CNNM3: variants seen among roughly 807,000 people sequenced by gnomAD.
CNNM3 encodes cyclin and CBS domain divalent metal cation transport mediator 3.
In CNNM3, 47 loss-of-function variants were observed where a neutral mutation model predicts 57.1. The observed-to-expected ratio is 0.82, with a 90% CI of 0.65 to 1.05. CNNM3 has a LOEUF of 1.05. Ranked by LOEUF, CNNM3 falls within the 50% of genes least tolerant of loss-of-function variation. The pLI is 0.00. For synonymous variants in CNNM3, 507 were observed against 478.2 expected (o/e 1.06, Z -0.79); for missense variants, 957 against 973.7 (o/e 0.98, Z 0.23).
Position 96,827,741 on chromosome 2 carries a change from A to G in CNNM3, c.1530A>G (p.Val510=), listed in dbSNP as rs751460213. Residue 510 remains valine, a synonymous_variant, in exon 4 of 8, where the codon GTA becomes GTG. Transcript: ENST00000305510. The part of the protein sequence containing the change: ...TQRFLSREVD[V]FSPLRISEKV... ...TTCCACCACGTGCAGAAGTGGATGT[A>G]TTCAGCCCGCTGCGCATCTCTGAGA... The G allele has an allele frequency of 1.6e-5, 26 of 1,613,764 alleles. No individual in the cohort carries two copies. The highest frequency in any genetic ancestry group is 2.2e-5 in the Non-Finnish European group (26 of 1,179,784).
chr2:96,836,205 C>T (rs1486657113), downstream of CNNM3, among the ~76,000 whole-genome samples: 1 of 151,468 alleles, frequency 6.6e-6, no homozygotes, highest in Non-Finnish European at 1.5e-5. Context: ...TCTTCAGCTC[C>T]CCATGTAGAT....
Position 96,817,123 on chromosome 2 carries a change from G to T in CNNM3, c.846G>T (p.Arg282=). 1 of 1,347,708 alleles carries T rather than the reference G, an allele frequency of 7.4e-7. No individual in the cohort carries two copies. The highest frequency in any genetic ancestry group is 9.4e-7 in the Non-Finnish European group (1 of 1,059,728). 83.5% of individuals were successfully genotyped at this position (1,347,708 alleles called of 1,614,324 possible). A position where few individuals can be genotyped will look rare whatever the true frequency, so the allele number is the denominator to read the frequency against. ...PVGQLLELAA[R]PGRLRERVLE... ...GGCAGCTGCTGGAGCTGGCGGCGCGGCCCGGGCGGCTGCGGGAGCGGGTGC... is the reference window on the plus strand; with the variant it reads ...GGCAGCTGCTGGAGCTGGCGGCGCGTCCCGGGCGGCTGCGGGAGCGGGTGC... Residue 282 remains arginine (R), a synonymous_variant, in exon 1 of 8, where the codon CGG becomes CGT. Coordinates refer to ENST00000305510, the MANE Select transcript of CNNM3 (RefSeq NM_017623.5).
Position 96,817,045 on chromosome 2 carries a change from C to A in CNNM3, c.768C>A (p.Leu256=). ...RWTLALAPRA[L]GLSRLAVLLT... Reference sequence around the variant, plus strand: ...CGCTGGCGCTGGCGCCGCGAGCGCTCGGCCTCAGCCGCCTGGCCGTCCTGC... The same window carrying A: ...CGCTGGCGCTGGCGCCGCGAGCGCTAGGCCTCAGCCGCCTGGCCGTCCTGC... The change falls in exon 1 of 8, where the codon CTC becomes CTA. Residue 256 remains leucine (L), a synonymous_variant. Coordinates refer to ENST00000305510, the MANE Select transcript of CNNM3 (RefSeq NM_017623.5). 1.5e-6 allele frequency: 2 copies of A among 1,365,346 alleles called. No individual in the cohort carries two copies. The highest frequency in any genetic ancestry group is 1.5e-5 in the South Asian group (1 of 64,950). The allele number at this position is 1,365,346 out of a possible 1,614,324, so 84.6% of individuals were successfully genotyped here.
At chr2:96,826,366 C>A (rs1310060620) in intron 2 of CNNM3, among the ~76,000 whole-genome samples, 1 of 152,116 alleles carries the variant, frequency 6.6e-6, no homozygotes, top group Admixed American at 6.5e-5. Context: ...GCGCATGCCA[C>A]CACACCCGTC....
intron 6 of CNNM3, 21 bp downstream of exon 6, chr2:96,828,721 T>A: frequency 3.1e-6 from 5 of 1,613,904 alleles, no homozygotes; most frequent in Non-Finnish European, 4.2e-6. Context: ...GGGCTGCTTG[T>A]GGGTGCTGGC....
chr2:96,827,053 C>A (rs1008237545), intron 3 of CNNM3, 71 bp downstream of exon 3: 4 of 1,535,658 alleles, frequency 2.6e-6, no homozygotes, highest in Non-Finnish European at 3.5e-6. Context: ...CGCCCAGGGC[C>A]GACACTGACT....
In CNNM3 at chr2:96,817,108, G is replaced by A; in HGVS notation, c.831G>A (p.Leu277=). 7.5e-7 allele frequency: 1 copy of A among 1,341,316 alleles called. No homozygotes were observed. Among genetic ancestry groups the A allele is most frequent in the Non-Finnish European group, 9.5e-7 (1 of 1,056,326 alleles). 83.1% of individuals were successfully genotyped at this position (1,341,316 alleles called of 1,614,324 possible). The change falls in exon 1 of 8, where the codon CTG becomes CTA. Residue 277 remains leucine, a synonymous_variant. Transcript: ENST00000305510. ...LPVALPVGQL[L]ELAARPGRLR... ...TCGCGCTGCCCGTGGGGCAGCTGCT[G>A]GAGCTGGCGGCGCGGCCCGGGCGGC...
rs371837473 is a variant in CNNM3 at position 96,827,849 on chromosome 2, C to T, written c.1638C>T (p.His546=). The T allele has an allele frequency of 5.6e-6, 9 of 1,614,048 alleles. No homozygotes were observed. The highest frequency in any genetic ancestry group is 6.8e-6 in the Non-Finnish European group (8 of 1,180,018). Residue 546 remains histidine, a synonymous_variant, in exon 4 of 8, where the codon CAC becomes CAT. Transcript: ENST00000305510. The part of the protein sequence containing the change: ...FDESNRLATH[H]YLYQRSQPVD... ...AGAGCAACCGGCTGGCCACACACCA[C>T]TACCTGTACCAGCGCAGCCAGCCGG...
At chr2:96,828,517 C>G in intron 5 of CNNM3, 50 bp from the exon 6 acceptor site, 3 of 1,610,788 alleles carry the variant, frequency 1.9e-6, no homozygotes, top group Non-Finnish European at 2.5e-6. Context: ...GGGGAGGAGG[C>G]TCCCAGCTGC....
intron 7 of CNNM3, among the ~76,000 whole-genome samples, chr2:96,830,993 C>T (rs1287209746): frequency 6.6e-6 from 1 of 152,170 alleles, no homozygotes. Flanking sequence ...TTTTCTGGCT[C>T]ACTGCTACTC....
rs1478958414 is a variant in CNNM3 at position 96,816,958 on chromosome 2, C to T, written c.681C>T (p.Gly227=). The change falls in exon 1 of 8, where the codon GGC becomes GGT. Residue 227 remains glycine (G), a synonymous_variant. Transcript: ENST00000305510. ...AGCGTGCGGTGCCCGCCGTGTTGGG[C>T]AGCGCGGGGCTCGTGTTCCTGGTGG... ...AGQRAVPAVL[G]SAGLVFLVGE... is the part of the protein sequence containing the mutation. 4 of 1,315,404 alleles carry T rather than the reference C, an allele frequency of 3.0e-6. No individual in the cohort carries two copies. Among genetic ancestry groups the T allele is most frequent in the East Asian group, 7.9e-5 (2 of 25,366 alleles). 81.5% of individuals were successfully genotyped at this position (1,315,404 alleles called of 1,614,324 possible). A position where few individuals can be genotyped will look rare whatever the true frequency, so the allele number is the denominator to read the frequency against.
intron 1 of CNNM3, among the ~76,000 whole-genome samples, chr2:96,818,470 C>T (rs1230345599): frequency 2.0e-5 from 3 of 150,442 alleles, no homozygotes; most frequent in Non-Finnish European, 4.4e-5. Context: ...AGCCTGGTCT[C>T]GAACTCCTGA....
At position 96,817,196 on chromosome 2, in the gene CNNM3, G is replaced by C; in HGVS notation, c.919G>C (p.Gly307Arg). 6.3e-7 allele frequency: 1 copy of C among 1,586,090 alleles called. No individual in the cohort carries two copies. Residue 307 changes from glycine to arginine, a missense_variant, in exon 1 of 8, where the codon GGC becomes CGC. Gly to Arg is a moderately radical substitution (Grantham distance 125). This residue lies in a region of CNNM3 where 491 missense variants were observed against 570.6 expected (regional missense o/e 0.86). Coordinates refer to ENST00000305510, the MANE Select transcript of CNNM3 (RefSeq NM_017623.5). The part of the protein sequence containing the change: ...GGDPYSDLSK[G>R]VLRCRTVEDV... ...CGACCCCTACAGCGATCTCAGCAAG[G>C]GCGTGCTGCGCTGCCGGACCGTGGA... is the stretch of plus-strand genomic sequence containing the variant.
rs1459002237 is a variant in CNNM3 at position 96,817,073 on chromosome 2, A to G, written c.796A>G (p.Thr266Ala). 3 of 1,356,594 alleles carry G rather than the reference A, an allele frequency of 2.2e-6. No homozygotes were observed. The highest frequency in any genetic ancestry group is 3.2e-5 in the East Asian group (1 of 31,336). 84.0% of individuals were successfully genotyped at this position (1,356,594 alleles called of 1,614,324 possible). A position where few individuals can be genotyped will look rare whatever the true frequency, so the allele number is the denominator to read the frequency against. ...CCTCAGCCGCCTGGCCGTCCTGCTC[A>G]CTCTGCCCGTCGCGCTGCCCGTGGG... ...LGLSRLAVLL[T>A]LPVALPVGQL... Residue 266 changes from threonine (T) to alanine (A), a missense_variant, in exon 1 of 8, where the codon ACT (threonine) becomes GCT (alanine). Thr to Ala is a moderately conservative substitution (Grantham distance 58, BLOSUM62 0). Coordinates refer to ENST00000305510, the MANE Select transcript of CNNM3 (RefSeq NM_017623.5).
rs1312069629 is a variant in CNNM3, at chr2:96,816,491, GCCAACAGCT to G, written c.216_224del (p.Asn73_Ser75del). ...CCTGCGCCTCTTCGGCCCGGGCTTC[GCCAACAGCT>G]CTTGGTCCTGGGTGGCCCCGGAGGG... On this transcript the variant is annotated inframe_deletion, in exon 1 of 8. Coordinates refer to ENST00000305510, the MANE Select transcript of CNNM3 (RefSeq NM_017623.5). 1 of 1,457,316 alleles carries G rather than the reference GCCAACAGCT, an allele frequency of 6.9e-7. No homozygotes were observed. The highest frequency in any genetic ancestry group is 9.0e-7 in the Non-Finnish European group (1 of 1,105,404). The allele number at this position is 1,457,316 out of a possible 1,614,324, so 90.3% of individuals were successfully genotyped here. A position where few individuals can be genotyped will look rare whatever the true frequency, so the allele number is the denominator to read the frequency against.
chr2:96,826,990 G>A lies in CNNM3; in HGVS notation c.1519+8G>A, dbSNP rs909715388. 11 of 1,612,984 alleles carry A rather than the reference G, an allele frequency of 6.8e-6. No individual in the cohort carries two copies. The highest frequency in any genetic ancestry group is 3.3e-5 in the Admixed American group (2 of 59,984). ...AGCGCTTCCTGTCCCGAGGTGAGGC[G>A]GGAGGGTGGTCCATGCCCCCTGCTC... On this transcript the variant is annotated splice_region_variant and intron_variant, in intron 3 of 7. Transcript: ENST00000305510.
intron 3 of CNNM3, 98 bp from the exon 4 acceptor site, chr2:96,827,633 G>T: frequency 7.8e-7 from 1 of 1,283,326 alleles, no homozygotes; most frequent in Non-Finnish European, 1.1e-6. Flanking sequence ...GGAGATCCCT[G>T]GTGGGCACAA....
At chr2:96,820,096 A>G (rs35274631) in intron 1 of CNNM3, among the ~76,000 whole-genome samples, 3 of 152,196 alleles carry the variant, frequency 2.0e-5, no homozygotes, top group Non-Finnish European at 2.9e-5. Context: ...TTATTTTTAC[A>G]GATCAGTAAC....
At chr2:96,824,916 T>C in intron 1 of CNNM3, 142 bp from the exon 2 acceptor site, 1 of 870,846 alleles carries the variant, frequency 1.1e-6, no homozygotes, top group Non-Finnish European at 1.8e-6. Context: ...AGTAAAAACC[T>C]AGAAAAGAGT....
Sources: gnomAD v4.1 joint callset for allele counts (sites outside exome capture counted in the v4.1 genomes callset) on GRCh38, gnomAD v4.1.1 for gene constraint, gnomAD v4.1.1 regional missense constraint, MANE v1.5 for transcripts, NCBI Gene and HGNC (gene_info 2026-07-23, HGNC 2026-07-21) for gene names.